TMEM178A: variants seen among roughly 807,000 people sequenced by gnomAD.
TMEM178A encodes transmembrane protein 178.
Under a neutral mutation model 29.1 loss-of-function variants are expected in TMEM178A, and 12 were observed. That is an observed-to-expected ratio of 0.41 (90% CI 0.26 to 0.67). The LOEUF is 0.67. Ranked by LOEUF, TMEM178A falls within the 30% of genes least tolerant of loss-of-function variation. TMEM178A has a pLI of 0.29. For missense variants in TMEM178A, 366 were observed against 419.1 expected (o/e 0.87, Z 1.11); for synonymous variants, 210 against 187.2 (o/e 1.12, Z -0.99).
At chr2:39,679,186 T>C (rs1670761066) in intron 1 of TMEM178A, among the ~76,000 whole-genome samples, 1 of 152,240 alleles carries the variant, frequency 6.6e-6, no homozygotes, top group Non-Finnish European at 1.5e-5. Flanking sequence ...AGGTTAGTAT[T>C]GGGCACATGG....
At chr2:39,670,420 A>G (rs1049297016) in intron 1 of TMEM178A, among the ~76,000 whole-genome samples, 10 of 152,208 alleles carry the variant, frequency 6.6e-5, no homozygotes, top group Admixed American at 2.6e-4. Flanking sequence ...GTTTATTTCA[A>G]GTAGTGGAGT....
At chr2:39,706,224 G>T (rs1232535230) in intron 2 of TMEM178A, among the ~76,000 whole-genome samples, 3 of 152,088 alleles carry the variant, frequency 2.0e-5, no homozygotes, top group Non-Finnish European at 2.9e-5. Flanking sequence ...TTGTGTTTTT[G>T]CAATAGACCA....
rs529775235 is a variant in TMEM178A at position 39,700,326 on chromosome 2, T to C, written c.401-3755T>C. Among the ~76,000 whole-genome samples the C allele has an allele frequency of 2.8e-4, 43 of 152,286 alleles. No homozygotes were observed. In the South Asian group the frequency reaches 4.6e-3, roughly 16 times the overall value. On this transcript the variant is annotated intron_variant, in intron 1 of 3. Transcript: ENST00000281961. ...CTATTTCTCCCTTCAATTCTGTCAG[T>C]TTTTGGTATTGCATGTATTTTGGGG... is the stretch of plus-strand genomic sequence containing the variant.
chr2:39,713,779 AC>A (rs1672417032), intron 3 of TMEM178A, among the ~76,000 whole-genome samples: 1 of 152,236 alleles, frequency 6.6e-6, no homozygotes, highest in South Asian at 2.1e-4. Context: ...TGTATGTGGA[AC>A]CTGAAATAGA....
chr2:39,677,063 A>T (rs1670660674), intron 1 of TMEM178A, among the ~76,000 whole-genome samples: 1 of 152,210 alleles, frequency 6.6e-6, no homozygotes, highest in Non-Finnish European at 1.5e-5. Flanking sequence ...CTTTAAGATC[A>T]GAAGGTGCAG....
chr2:39,717,291 G>A lies in TMEM178A; in HGVS notation c.*40G>A, dbSNP rs889687870. On this transcript the variant is annotated 3_prime_UTR_variant, in exon 4 of 4. Coordinates refer to ENST00000281961, the MANE Select transcript of TMEM178A (RefSeq NM_152390.3). The stretch of plus-strand genomic sequence containing the variant: ...CCTGTCCACAGTGCGAGCGACTCCT[G>A]AGGGGAACAGCGCGGAGTTCAGGAG... 1 of 1,599,668 alleles carries A rather than the reference G, an allele frequency of 6.3e-7. No homozygotes were observed.
At chr2:39,673,817 T>C (rs1385501877) in intron 1 of TMEM178A, among the ~76,000 whole-genome samples, 1 of 152,176 alleles carries the variant, frequency 6.6e-6, no homozygotes, top group Non-Finnish European at 1.5e-5. Context: ...GAATTTTTAT[T>C]TGGTGTGGGG....
intron 3 of TMEM178A, among the ~76,000 whole-genome samples, chr2:39,707,521 G>A (rs916250120): frequency 6.6e-6 from 1 of 152,066 alleles, no homozygotes. Flanking sequence ...ACCCAGGCTG[G>A]AGTGTAGTGG....
At chr2:39,672,132 C>G (rs1402839315) in intron 1 of TMEM178A, among the ~76,000 whole-genome samples, 1 of 152,202 alleles carries the variant, frequency 6.6e-6, no homozygotes, top group Non-Finnish European at 1.5e-5. Context: ...CATTCTATTG[C>G]TAACATCATG....
chr2:39,702,058 C>A (rs534058772), intron 1 of TMEM178A, among the ~76,000 whole-genome samples: 1 of 151,832 alleles, frequency 6.6e-6, no homozygotes, highest in Non-Finnish European at 1.5e-5. Context: ...TCAGTGACAG[C>A]TTCTATTGAC....
chr2:39,705,135 G>A (rs556499170), intron 2 of TMEM178A, among the ~76,000 whole-genome samples: 1 of 152,302 alleles, frequency 6.6e-6, no homozygotes, highest in African/African-American at 2.4e-5. Context: ...ATCATCATAG[G>A]AGCCTGAAAA....
the TMEM178A span, among the ~76,000 whole-genome samples, chr2:39,734,590 C>G: frequency 1.3e-5 from 2 of 152,242 alleles, no homozygotes; most frequent in South Asian, 4.1e-4. Context: ...TAATCAACAT[C>G]TCCACTTTGT....
At chr2:39,709,083 G>A (rs1029283982) in intron 3 of TMEM178A, among the ~76,000 whole-genome samples, 2 of 152,180 alleles carry the variant, frequency 1.3e-5, no homozygotes, top group Admixed American at 1.3e-4. Context: ...ACTGTAATGG[G>A]TCACTTAATT....
intron 1 of TMEM178A, among the ~76,000 whole-genome samples, chr2:39,694,645 G>C (rs1402244720): frequency 6.6e-6 from 1 of 152,166 alleles, no homozygotes; most frequent in Non-Finnish European, 1.5e-5. Context: ...TCTGAAAAGA[G>C]ATGTGCTATA....
At chr2:39,692,719 T>G (rs1045070530) in intron 1 of TMEM178A, among the ~76,000 whole-genome samples, 5 of 152,144 alleles carry the variant, frequency 3.3e-5, no homozygotes, top group African/African-American at 1.2e-4. Context: ...TATATATGTA[T>G]TAGCTCATTT....
At chr2:39,685,667 A>G (rs1400040938) in intron 1 of TMEM178A, among the ~76,000 whole-genome samples, 1 of 152,232 alleles carries the variant, frequency 6.6e-6, no homozygotes, top group Non-Finnish European at 1.5e-5. Context: ...GTGATCATGC[A>G]TAAGAAGTGC....
At chr2:39,675,262 G>A (rs1243436622) in intron 1 of TMEM178A, among the ~76,000 whole-genome samples, 2 of 152,128 alleles carry the variant, frequency 1.3e-5, no homozygotes, top group African/African-American at 4.8e-5. Flanking sequence ...AAGGATGAGT[G>A]CTCAGTCCCC....
chr2:39,686,405 C>T (rs1397616490), intron 1 of TMEM178A, among the ~76,000 whole-genome samples: 1 of 151,878 alleles, frequency 6.6e-6, no homozygotes, highest in South Asian at 2.1e-4. Context: ...TCAGAATTCT[C>T]TTAAATTAGG....
At chr2:39,710,697 A>G (rs1025597396) in intron 3 of TMEM178A, among the ~76,000 whole-genome samples, 3 of 152,194 alleles carry the variant, frequency 2.0e-5, no homozygotes, top group African/African-American at 7.2e-5. Flanking sequence ...GATGAGAGCA[A>G]AAAAAGGGTT....
Sources: gnomAD v4.1 joint callset for allele counts (sites outside exome capture counted in the v4.1 genomes callset) on GRCh38, gnomAD v4.1.1 for gene constraint, MANE v1.5 for transcripts, NCBI Gene and HGNC (gene_info 2026-07-23, HGNC 2026-07-21) for gene names.